The following DEPTOR variants were observed in gnomAD, a reference collection of about 807,000 sequenced individuals.
The protein encoded by DEPTOR is DEP domain containing MTOR interacting protein.
A neutral mutation model predicts 41.6 loss-of-function variants in DEPTOR; 41 were observed. That is an observed-to-expected ratio of 0.98 (90% CI 0.77 to 1.28). The LOEUF (loss-of-function observed/expected upper bound fraction) is 1.28, where lower values mean the gene tolerates loss of function less well. Ranked by LOEUF, DEPTOR falls within the 50% of genes most tolerant of loss-of-function variation. DEPTOR has a pLI of 0.00. For missense variants in DEPTOR, 514 were observed against 527.9 expected (o/e 0.97, Z 0.26); for synonymous variants, 195 against 192.3 (o/e 1.01, Z -0.12).
chr8:119,916,427 G>T (rs1827816903), intron 1 of DEPTOR, among the ~76,000 whole-genome samples: 1 of 151,948 alleles, frequency 6.6e-6, no homozygotes, highest in East Asian at 1.9e-4. Flanking sequence ...AGCCAACAGG[G>T]ATATTATAAG....
At chr8:119,927,409 C>T (rs550962007) in intron 1 of DEPTOR, among the ~76,000 whole-genome samples, 68 of 151,920 alleles carry the variant, frequency 4.5e-4, no homozygotes, top group African/African-American at 1.6e-3. Context: ...AATTCAGGTG[C>T]TCAAATAGAG....
intron 4 of DEPTOR, among the ~76,000 whole-genome samples, chr8:119,983,541 C>T (rs758799220): frequency 3.3e-5 from 5 of 152,112 alleles, no homozygotes; most frequent in Non-Finnish European, 7.4e-5. Flanking sequence ...CCCGCCACCA[C>T]GCTCAGCTAA....
chr8:119,995,601 A>G (rs1393095746), intron 4 of DEPTOR, among the ~76,000 whole-genome samples: 1 of 151,934 alleles, frequency 6.6e-6, no homozygotes, highest in Non-Finnish European at 1.5e-5. Flanking sequence ...AAAAAAAAAA[A>G]AGAAAAGAAA....
intron 4 of DEPTOR, among the ~76,000 whole-genome samples, chr8:119,985,729 T>G (rs1328458609): frequency 1.3e-5 from 2 of 152,072 alleles, no homozygotes; most frequent in African/African-American, 4.8e-5. Flanking sequence ...CTTGTTGCAT[T>G]GATCCCTTTA....
chr8:119,992,109 G>A (rs1586648443), intron 4 of DEPTOR, among the ~76,000 whole-genome samples: 1 of 152,186 alleles, frequency 6.6e-6, no homozygotes, highest in African/African-American at 2.4e-5. Flanking sequence ...GTGATTTTGA[G>A]CAATGTCTAT....
At chr8:119,880,019 A>G (rs1827278623) in intron 1 of DEPTOR, among the ~76,000 whole-genome samples, 2 of 151,496 alleles carry the variant, frequency 1.3e-5, no homozygotes, top group Non-Finnish European at 2.9e-5. Context: ...GCAGGCACCT[A>G]TAGTCCCAGC....
At chr8:119,949,250 C>T (rs1828322127) in intron 3 of DEPTOR, among the ~76,000 whole-genome samples, 1 of 152,214 alleles carries the variant, frequency 6.6e-6, no homozygotes, top group Non-Finnish European at 1.5e-5. Flanking sequence ...TGTATGCATA[C>T]ACCACATTTT....
At chr8:119,905,023 G>A (rs549563991) in intron 1 of DEPTOR, among the ~76,000 whole-genome samples, 17 of 135,966 alleles carry the variant, frequency 1.3e-4, no homozygotes, top group African/African-American at 4.3e-4. Flanking sequence ...GCCTAGGCTG[G>A]TTTTTAACTT....
At chr8:119,887,976 C>T (rs546048776) in intron 1 of DEPTOR, among the ~76,000 whole-genome samples, 2 of 152,160 alleles carry the variant, frequency 1.3e-5, no homozygotes, top group Admixed American at 1.3e-4. Flanking sequence ...TGTGCCAACA[C>T]ACCTGGCTAA....
chr8:120,046,337 A>G (rs1000805786), intron 8 of DEPTOR, among the ~76,000 whole-genome samples: 1 of 151,852 alleles, frequency 6.6e-6, no homozygotes, highest in Non-Finnish European at 1.5e-5. Flanking sequence ...CCCATTACCA[A>G]CCACTTCCAT....
intron 4 of DEPTOR, among the ~76,000 whole-genome samples, chr8:119,998,051 A>G (rs113385799): frequency 3.9e-5 from 6 of 152,312 alleles, no homozygotes; most frequent in African/African-American, 1.2e-4. Flanking sequence ...TATATAGTCA[A>G]CCTAACTCAA....
intron 3 of DEPTOR, among the ~76,000 whole-genome samples, chr8:119,939,248 G>T (rs1043551768): frequency 1.1e-4 from 17 of 152,136 alleles, no homozygotes; most frequent in Non-Finnish European, 2.5e-4. Flanking sequence ...ACCTAACTTT[G>T]TTGGCTCGCT....
intron 1 of DEPTOR, among the ~76,000 whole-genome samples, chr8:119,901,012 A>C (rs1220244051): frequency 6.6e-6 from 1 of 152,128 alleles, no homozygotes; most frequent in Non-Finnish European, 1.5e-5. Context: ...AAAGCATTGA[A>C]ATTTCATTCT....
Position 119,885,237 on chromosome 8 carries a change from C to T in DEPTOR, c.122+11269C>T, listed in dbSNP as rs187902006. On this transcript the variant is annotated intron_variant, in intron 1 of 8. Transcript: ENST00000286234. ...AAGTGATGTACACAGAATATATTCA[C>T]TGCAAAAAGTGGGGTTTATTCCCTG... 2.4e-3 allele frequency among the ~76,000 whole-genome samples: 371 copies of T among 152,216 alleles called. 2 individuals carry two copies. The highest frequency in any genetic ancestry group is 7.9e-3 in the African/African-American group (330 of 41,528).
At chr8:119,968,344 T>C (rs79572057) in intron 4 of DEPTOR, among the ~76,000 whole-genome samples, 134 of 151,612 alleles carry the variant, frequency 8.8e-4, no homozygotes, top group East Asian at 7.7e-4. Context: ...ATTTTTTTTT[T>C]GGGACAGTTA....
At chr8:119,967,164 C>T (rs544234948) in intron 4 of DEPTOR, among the ~76,000 whole-genome samples, 17 of 152,004 alleles carry the variant, frequency 1.1e-4, no homozygotes, top group African/African-American at 9.6e-5. Flanking sequence ...CTGCAACTTC[C>T]GCCTCCCAGG....
chr8:119,963,037 T>C (rs1413308249), intron 3 of DEPTOR, among the ~76,000 whole-genome samples: 5 of 152,146 alleles, frequency 3.3e-5, no homozygotes, highest in Admixed American at 1.3e-4. Flanking sequence ...TTGAGAAATC[T>C]ATGTGGATGC....
At chr8:119,895,269 A>G (rs1473962647) in intron 1 of DEPTOR, among the ~76,000 whole-genome samples, 1 of 152,196 alleles carries the variant, frequency 6.6e-6, no homozygotes, top group Non-Finnish European at 1.5e-5. Flanking sequence ...AGTACCTTGT[A>G]TAGACTTCCA....
At position 119,968,544 on chromosome 8, in the gene DEPTOR, C is replaced by T. The variant is rs562888169; in HGVS notation, c.604+3134C>T. On this transcript the variant is annotated intron_variant, in intron 4 of 8. Transcript: ENST00000286234. ...CTTGAACTTCTGACCTCAAGTGATG[C>T]GCCTGCCCCGGTCTCCCAAAGTACT... 2.6e-5 allele frequency among the ~76,000 whole-genome samples: 4 copies of T among 152,234 alleles called. No homozygotes were observed. In the East Asian group the frequency reaches 5.8e-4, roughly 22 times the overall value.
Sources: gnomAD v4.1 joint callset for allele counts (sites outside exome capture counted in the v4.1 genomes callset) on GRCh38, gnomAD v4.1.1 for gene constraint, MANE v1.5 for transcripts, NCBI Gene and HGNC (gene_info 2026-07-23, HGNC 2026-07-21) for gene names.